Variants in ABHD15 observed in about 807,000 individuals in gnomAD.
ABHD15 encodes the protein abhydrolase domain containing 15, also known as protein ABHD15.
In ABHD15, 34 loss-of-function variants were observed where a neutral mutation model predicts 34.4. That is an observed-to-expected ratio of 0.99 (90% CI 0.75 to 1.32). ABHD15 has a LOEUF of 1.32. Among genes scored for constraint, ABHD15 ranks in the 40% most tolerant of loss-of-function variants. ABHD15 has a pLI of 0.00. For synonymous variants in ABHD15, 314 were observed against 299.2 expected (o/e 1.05, Z -0.51); for missense variants, 644 against 650.4 (o/e 0.99, Z 0.11).
rs958432444 is a variant in ABHD15 at position 29,567,008 on chromosome 17, C to T, written c.-42G>A. Reference sequence around the variant, plus strand: ...CCCGGCGGGCAGCGGGCGGCGGGGCCGTCTACTCGGCGAGCTCCGCGCTTT... The same window carrying T: ...CCCGGCGGGCAGCGGGCGGCGGGGCTGTCTACTCGGCGAGCTCCGCGCTTT... On this transcript the variant is annotated 5_prime_UTR_variant, in exon 1 of 2. Coordinates refer to ENST00000307201, the MANE Select transcript of ABHD15 (RefSeq NM_198147.3). This position sits in a 1 kb window ranked among gnomAD's most constrained non-coding sequence, Gnocchi z 6.6. 6 of 1,267,022 alleles carry T rather than the reference C, an allele frequency of 4.7e-6. No homozygotes were observed. The Admixed American group carries it at 1.7e-4, about 36-fold the overall frequency. The allele number at this position is 1,267,022 out of a possible 1,614,324, so 78.5% of individuals were successfully genotyped here.
intron 1 of ABHD15, among the ~76,000 whole-genome samples, chr17:29,563,322 G>C (rs974634039): frequency 2.6e-5 from 4 of 152,004 alleles, no homozygotes; most frequent in African/African-American, 9.7e-5. Context: ...CAACGAGGTG[G>C]GTGGATCACT....
At chr17:29,563,959 T>C (rs931600346) in intron 1 of ABHD15, among the ~76,000 whole-genome samples, 2 of 152,252 alleles carry the variant, frequency 1.3e-5, no homozygotes, top group Admixed American at 6.5e-5. Flanking sequence ...TCCAGCCACA[T>C]GGGTGGGCAT....
chr17:29,566,547 CA>C lies in ABHD15; in HGVS notation c.419del (p.Val140GlyfsTer2), dbSNP rs201971667. 9.0e-3 allele frequency: 14,461 copies of C among 1,610,310 alleles called. 77 individuals carry two copies. Among genetic ancestry groups the C allele is most frequent in the Non-Finnish European group, 0.011 (13,266 of 1,179,368 alleles). ...GGCGGCCCCGAACACAAGGTCCTAC[CA>C]CCCAGTCCAGGGCCACTAGCCCATC... ...ADDGLVALDW[V>X]VGPCVRGRRI... On this transcript the variant is annotated frameshift_variant, in exon 1 of 2. Transcript: ENST00000307201. LOFTEE classifies it high-confidence loss of function.
At chr17:29,564,477 G>A (rs1391209009) in intron 1 of ABHD15, among the ~76,000 whole-genome samples, 1 of 152,116 alleles carries the variant, frequency 6.6e-6, no homozygotes, top group Non-Finnish European at 1.5e-5. Context: ...CCCTGGAGAG[G>A]GCTTGGCATC....
At chr17:29,563,916 C>A (rs1304267175) in intron 1 of ABHD15, among the ~76,000 whole-genome samples, 1 of 152,122 alleles carries the variant, frequency 6.6e-6, no homozygotes, top group Non-Finnish European at 1.5e-5. Context: ...ACATAAAATG[C>A]AGGTGTCTGG....
intron 1 of ABHD15, among the ~76,000 whole-genome samples, chr17:29,563,313 A>G (rs1315603011): frequency 1.3e-5 from 2 of 151,996 alleles, no homozygotes; most frequent in Non-Finnish European, 2.9e-5. Context: ...CTGGGAGGCC[A>G]ACGAGGTGGG....
rs1333704987 is a variant in ABHD15 at position 29,566,608 on chromosome 17, G to A, written c.359C>T (p.Pro120Leu). ...CHFVLPVAPG[P>L]ELAREYLQLA... is the part of the protein sequence containing the mutation. ...CTGCAGGTACTCCCGGGCCAGCTCA[G>A]GCCCAGGCGCTACGGGCAGGACGAA... The change falls in exon 1 of 2, where the codon CCT becomes CTT. Residue 120 changes from proline to leucine, a missense_variant. Physicochemically the swap from Pro to Leu is moderately conservative, Grantham distance 98 (BLOSUM62 -3). Coordinates refer to ENST00000307201, the MANE Select transcript of ABHD15 (RefSeq NM_198147.3). The A allele has an allele frequency of 2.5e-6, 4 of 1,609,050 alleles. No individual in the cohort carries two copies. The African/African-American group carries it at 4.0e-5, about 16-fold the overall frequency.
Position 29,560,913 on chromosome 17 carries a change from C to T in ABHD15, c.*1648G>A, listed in dbSNP as rs1158511132. ...TCGTGATCCACCCACCTCGGCCTCCCAAAGTGCTGAGATTATAGGTGTGTG... is the reference window on the plus strand; with the variant it reads ...TCGTGATCCACCCACCTCGGCCTCCTAAAGTGCTGAGATTATAGGTGTGTG... On this transcript the variant is annotated 3_prime_UTR_variant, in exon 2 of 2. Transcript: ENST00000307201. The T allele has an allele frequency of 1.3e-5, 2 of 152,170 alleles. No homozygotes were observed. Among genetic ancestry groups the T allele is most frequent in the African/African-American group, 4.8e-5 (2 of 41,428 alleles). The allele number at this position is 152,170 out of a possible 1,614,324, so 9.4% of individuals were successfully genotyped here. A position where few individuals can be genotyped will look rare whatever the true frequency, so the allele number is the denominator to read the frequency against.
intron 1 of ABHD15, among the ~76,000 whole-genome samples, chr17:29,564,331 G>A (rs2032671354): frequency 6.6e-6 from 1 of 152,232 alleles, no homozygotes; most frequent in South Asian, 2.1e-4. Flanking sequence ...TATACCTGGG[G>A]CAGATATTCC....
At position 29,561,621 on chromosome 17, in the gene ABHD15, T is replaced by C. The variant is rs2150788052; in HGVS notation, c.*940A>G. ...GCTCTGGAAAGGGAGAGGCCAGTAG[T>C]AGGATCAGAAAAGGGAGCAACCAAC... On this transcript the variant is annotated 3_prime_UTR_variant, in exon 2 of 2. Transcript: ENST00000307201. The C allele has an allele frequency of 6.6e-6, 1 of 152,594 alleles. No individual in the cohort carries two copies. The highest frequency in any genetic ancestry group is 1.9e-4 in the East Asian group (1 of 5,192). The allele number at this position is 152,594 out of a possible 1,614,324, so 9.5% of individuals were successfully genotyped here.
At position 29,566,371 on chromosome 17, in the gene ABHD15, C is replaced by A; in HGVS notation, c.596G>T (p.Cys199Phe). The A allele has an allele frequency of 6.2e-7, 1 of 1,610,802 alleles. No individual in the cohort carries two copies. Among genetic ancestry groups the A allele is most frequent in the Non-Finnish European group, 8.5e-7 (1 of 1,178,442 alleles). ...VIFHRRGHHGCPLVSPRLQPF... is the reference protein window; with the variant it reads ...VIFHRRGHHGFPLVSPRLQPF... ...CTGCAGCCGGGGGCTGACCAGTGGG[C>A]AACCGTGGTGGCCGCGGCGATGGAA... Residue 199 changes from cysteine (C) to phenylalanine (F), a missense_variant, in exon 1 of 2, where the codon TGC becomes TTC. By Grantham distance (205) the Cys-to-Phe change is radical. Coordinates refer to ENST00000307201, the MANE Select transcript of ABHD15 (RefSeq NM_198147.3).
At position 29,566,275 on chromosome 17, in the gene ABHD15, A is replaced by G; in HGVS notation, c.692T>C (p.Leu231Pro). The change falls in exon 1 of 2, where the codon CTG (leucine) becomes CCG (proline). Residue 231 changes from leucine (L) to proline (P), a missense_variant. Physicochemically the swap from Leu to Pro is moderately conservative, Grantham distance 98 (BLOSUM62 -3). Coordinates refer to ENST00000307201, the MANE Select transcript of ABHD15 (RefSeq NM_198147.3). ...GCCCGAGCCTTCGCTCACCGCGAAC[A>G]GCGGCGCCGCCGGGTGTCGGAAGCG... Reference protein sequence around the residue: ...YIRFRHPAAPLFAVSEGSGSA... With the variant: ...YIRFRHPAAPPFAVSEGSGSA... 6.2e-7 allele frequency: 1 copy of G among 1,611,044 alleles called. No individual in the cohort carries two copies. The highest frequency in any genetic ancestry group is 8.5e-7 in the Non-Finnish European group (1 of 1,179,042).
chr17:29,563,630 G>C (rs1489373593), intron 1 of ABHD15, among the ~76,000 whole-genome samples: 2 of 152,078 alleles, frequency 1.3e-5, no homozygotes, highest in East Asian at 3.9e-4. Context: ...GGGAGGCTGA[G>C]GCAGGTGGAT....
At chr17:29,563,361 G>C (rs946521652) in intron 1 of ABHD15, among the ~76,000 whole-genome samples, 7 of 150,690 alleles carry the variant, frequency 4.6e-5, no homozygotes, top group Non-Finnish European at 8.8e-5. Flanking sequence ...AACAGCCTGG[G>C]CAACAGGGCG....
At position 29,561,562 on chromosome 17, in the gene ABHD15, C is replaced by A. The variant is rs937093004; in HGVS notation, c.*999G>T. 3 of 152,314 alleles carry A rather than the reference C, an allele frequency of 2.0e-5. No individual in the cohort carries two copies. Among genetic ancestry groups the A allele is most frequent in the African/African-American group, 7.2e-5 (3 of 41,432 alleles). 9.4% of individuals were successfully genotyped at this position (152,314 alleles called of 1,614,324 possible). On this transcript the variant is annotated 3_prime_UTR_variant, in exon 2 of 2. Coordinates refer to ENST00000307201, the MANE Select transcript of ABHD15 (RefSeq NM_198147.3). ...GTCAGCTCTAGTCAACCTCTTGGTG[C>A]TTTTGTTTCCTCTGGTCCCAGATGT...
chr17:29,564,718 G>A (rs893935376), intron 1 of ABHD15, among the ~76,000 whole-genome samples: 1 of 152,154 alleles, frequency 6.6e-6, no homozygotes, highest in Non-Finnish European at 1.5e-5. Context: ...ACCGGGCATG[G>A]TGGCATGTGC....
rs1442968155 is a variant in ABHD15 at position 29,562,454 on chromosome 17, C to T, written c.*107G>A. The T allele has an allele frequency of 8.8e-6, 11 of 1,246,370 alleles. No homozygotes were observed. The highest frequency in any genetic ancestry group is 1.1e-5 in the Non-Finnish European group (10 of 900,442). The allele number at this position is 1,246,370 out of a possible 1,614,324, so 77.2% of individuals were successfully genotyped here. A position where few individuals can be genotyped will look rare whatever the true frequency, so the allele number is the denominator to read the frequency against. ...TAAGAGAGAGGGACTGAATGAGGAG[C>T]ACAGAGCTGGAGCTCCCTCTGTTCA... On this transcript the variant is annotated 3_prime_UTR_variant, in exon 2 of 2. Transcript: ENST00000307201.
chr17:29,562,684 C>T lies in ABHD15; in HGVS notation c.1284G>A (p.Leu428=). 1 of 1,614,216 alleles carries T rather than the reference C, an allele frequency of 6.2e-7. No homozygotes were observed. Among genetic ancestry groups the T allele is most frequent in the Non-Finnish European group, 8.5e-7 (1 of 1,180,048 alleles). The part of the protein sequence containing the change: ...FFRTEERIKG[L]SRHRASFLGG... ...CAAGGAAGGAAGCTCTGTGCCTGCTCAGCCCTTTAATCCTCTCCTCCGTTC... is the reference window on the plus strand; with the variant it reads ...CAAGGAAGGAAGCTCTGTGCCTGCTTAGCCCTTTAATCCTCTCCTCCGTTC... Residue 428 remains leucine, a synonymous_variant, in exon 2 of 2, where the codon CTG becomes CTA. Transcript: ENST00000307201.
intron 1 of ABHD15, among the ~76,000 whole-genome samples, chr17:29,564,127 T>G (rs2032669554): frequency 6.6e-6 from 1 of 152,218 alleles, no homozygotes; most frequent in Non-Finnish European, 1.5e-5. Flanking sequence ...TGGCCCTCTG[T>G]GGAGAACTTG....
Sources: gnomAD v4.1 joint callset for allele counts (sites outside exome capture counted in the v4.1 genomes callset) on GRCh38, gnomAD v4.1.1 for gene constraint, Gnocchi (gnomAD v3.1) non-coding constraint, MANE v1.5 for transcripts, NCBI Gene and HGNC (gene_info 2026-07-23, HGNC 2026-07-21) for gene names.